The following ATM variants were observed in gnomAD, a reference collection of about 807,000 sequenced individuals.
The protein encoded by ATM is ATM serine/threonine kinase, also known as serine-protein kinase ATM.
In ATM, 308 loss-of-function variants were observed where a neutral mutation model predicts 387.0. That is an observed-to-expected ratio of 0.80 (90% CI 0.73 to 0.87). The LOEUF (loss-of-function observed/expected upper bound fraction) is 0.87. Ranked by LOEUF, ATM falls within the 40% of genes least tolerant of loss-of-function variation. ATM has a pLI of 0.00. For synonymous variants in ATM, 1,156 were observed against 1,187.3 expected (o/e 0.97, Z 0.54); for missense variants, 3,312 against 3,560.9 (o/e 0.93, Z 1.78).
At chr11:108,330,613 C>T (rs1398901749) in intron 50 of ATM, among the ~76,000 whole-genome samples, 192 bp downstream of exon 50, 1 of 152,134 alleles carries the variant, frequency 6.6e-6, no homozygotes. Context: ...AGTCTTGTTT[C>T]TACAAAAGTT....
At chr11:108,309,170 T>A (rs2083932707) in intron 38 of ATM, 1 of 628,458 alleles carries the variant, frequency 1.6e-6, no homozygotes, top group African/African-American at 1.8e-5. Context: ...CTGTACAGTA[T>A]GTTGGGCAAA....
intron 12 of ATM, among the ~76,000 whole-genome samples, chr11:108,253,364 T>A (rs1467705205): frequency 2.6e-5 from 4 of 152,114 alleles, no homozygotes; most frequent in Non-Finnish European, 4.4e-5. Context: ...TGACTGAAAA[T>A]GACTCACTGG....
At chr11:108,335,705 G>A (rs1202644025) in intron 55 of ATM, 140 bp from the exon 56 acceptor site, 1 of 680,234 alleles carries the variant, frequency 1.5e-6, no homozygotes, top group South Asian at 1.6e-5. Flanking sequence ...ATGGCAGTAG[G>A]TATTTAATTA....
chr11:108,334,161 C>T (rs539531402), intron 54 of ATM, among the ~76,000 whole-genome samples, 193 bp downstream of exon 54: 1 of 152,184 alleles, frequency 6.6e-6, no homozygotes, highest in Non-Finnish European at 1.5e-5. Context: ...CTCCTGCTTT[C>T]TTTTCCATTG....
intron 47 of ATM, 60 bp downstream of exon 47, chr11:108,326,285 A>G (rs2085681236): frequency 1.3e-6 from 2 of 1,577,856 alleles, no homozygotes; most frequent in African/African-American, 1.4e-5. Context: ...ACACAAATGT[A>G]CTTTAAAATA....
rs762900370 is a variant in ATM at position 108,322,835 on chromosome 11, G to A, written c.6572+1415G>A. Among the ~76,000 whole-genome samples, 45 of 150,996 alleles carry A rather than the reference G, an allele frequency of 3.0e-4. No homozygotes were observed. In the East Asian group the frequency reaches 6.8e-3, roughly 23 times the overall value. ...TTGCACAGCATGTTACACTCCATTC[G>A]GTTTTAGCACTGCATTGCATTACTG... On this transcript the variant is annotated intron_variant, in intron 45 of 62. Coordinates refer to ENST00000675843, the MANE Select transcript of ATM (RefSeq NM_000051.4).
rs202173660 is a variant in ATM at position 108,250,909 on chromosome 11, A to C, written c.1444A>C (p.Lys482Gln). 6.5e-5 allele frequency: 105 copies of C among 1,614,208 alleles called. No individual in the cohort carries two copies. Among genetic ancestry groups the C allele is most frequent in the Middle Eastern group, 1.6e-4 (1 of 6,062 alleles). ...LESSQKSDLL[K>Q]LWNKIWCITF... is the part of the protein sequence containing the mutation. ...AAGCTCACAAAAGTCAGATTTATTA[A>C]AACTCTGGAATAAAATTTGGTGTAT... The change falls in exon 10 of 63, where the codon AAA (lysine) becomes CAA (glutamine). Residue 482 changes from lysine to glutamine, a missense_variant. By Grantham distance (53) the Lys-to-Gln change is moderately conservative. Transcript: ENST00000675843.
At chr11:108,271,452 TG>T in intron 20 of ATM, 46 bp downstream of exon 20, 1 of 1,606,830 alleles carries the variant, frequency 6.2e-7, no homozygotes, top group South Asian at 1.1e-5. Context: ...TTGCTATCTG[TG>T]GATACGAATG....
At chr11:108,322,638 C>A (rs1565513758) in intron 45 of ATM, among the ~76,000 whole-genome samples, 2 of 152,108 alleles carry the variant, frequency 1.3e-5, no homozygotes, top group East Asian at 1.9e-4. Context: ...GATCTAAATT[C>A]TTTCCTTTTA....
At chr11:108,363,431 T>G (rs928593305) in intron 61 of ATM, among the ~76,000 whole-genome samples, 1 of 152,232 alleles carries the variant, frequency 6.6e-6, no homozygotes, top group Non-Finnish European at 1.5e-5. Flanking sequence ...TTATGTGTTA[T>G]GCTAAGGAAA....
intron 40 of ATM, among the ~76,000 whole-genome samples, chr11:108,315,253 T>C (rs2084519111): frequency 6.6e-6 from 1 of 152,256 alleles, no homozygotes; most frequent in Non-Finnish European, 1.5e-5. Context: ...GCAAAATTAT[T>C]ACAATAGTAC....
chr11:108,254,863 G>A (rs4987957), intron 13 of ATM, among the ~76,000 whole-genome samples: 1,570 of 152,220 alleles, frequency 0.01, 35 homozygotes, highest in African/African-American at 0.036. Flanking sequence ...TGGCCAGGCT[G>A]GTCTTAAACT....
At position 108,312,484 on chromosome 11, in the gene ATM, G is replaced by A; in HGVS notation, c.5992G>A (p.Gly1998Arg). 6.4e-7 allele frequency: 1 copy of A among 1,570,908 alleles called. No homozygotes were observed. ...SLSEKSKEET[G>R]ISLQDLLLEI... is the part of the protein sequence containing the mutation. ...GAGTGAAAAAAGTAAAGAAGAAACT[G>A]GAATAAGTTTACAGGTAAATATTAG... Residue 1998 changes from glycine to arginine, a missense_variant, in exon 40 of 63, where the codon GGA becomes AGA. Coordinates refer to ENST00000675843, the MANE Select transcript of ATM (RefSeq NM_000051.4).
chr11:108,282,298 G>C (rs1429711518), intron 24 of ATM, among the ~76,000 whole-genome samples: 2 of 151,956 alleles, frequency 1.3e-5, no homozygotes, highest in South Asian at 2.1e-4. Flanking sequence ...CACACACCTG[G>C]CTAATTTATT....
chr11:108,254,176 C>T (rs555594598), intron 13 of ATM, 137 bp downstream of exon 13: 26 of 738,076 alleles, frequency 3.5e-5, no homozygotes, highest in Admixed American at 3.4e-4. Flanking sequence ...CAGTAAAGGG[C>T]TCTAAATTGG....
intron 37 of ATM, among the ~76,000 whole-genome samples, chr11:108,305,877 TTATTA>T (rs1209549593): frequency 6.6e-6 from 1 of 152,174 alleles, no homozygotes; most frequent in Non-Finnish European, 1.5e-5. Flanking sequence ...TTAACTGTCT[TTATTA>T]TATATTATTA....
chr11:108,247,939 A>G (rs1239221001), intron 8 of ATM, among the ~76,000 whole-genome samples: 1 of 152,056 alleles, frequency 6.6e-6, no homozygotes, highest in African/African-American at 2.4e-5. Flanking sequence ...CCTTCTTAGC[A>G]TTCAGTCCCA....
intron 56 of ATM, among the ~76,000 whole-genome samples, chr11:108,341,658 C>T (rs1237332490): frequency 6.6e-6 from 1 of 151,814 alleles, no homozygotes; most frequent in East Asian, 1.9e-4. Context: ...GCTGAGAAAA[C>T]GAATATAATA....
intron 5 of ATM, among the ~76,000 whole-genome samples, chr11:108,240,320 TCTTC>T (rs1162924382): frequency 1.3e-5 from 2 of 152,196 alleles, no homozygotes; most frequent in African/African-American, 4.8e-5. Context: ...CCTTTTCATC[TCTTC>T]CTTCTTGTAA....
Sources: allele counts gnomAD v4.1 joint callset (sites outside exome capture counted in the v4.1 genomes callset), GRCh38; gene constraint gnomAD v4.1.1; transcripts MANE v1.5; gene names NCBI Gene and HGNC (gene_info 2026-07-23, HGNC 2026-07-21).